The following ATRNL1 variants were observed in gnomAD, a reference collection of about 807,000 sequenced individuals.
ATRNL1 encodes attractin-like protein 1.
A neutral mutation model predicts 182.7 loss-of-function variants in ATRNL1; 95 were observed. The observed-to-expected ratio is 0.52, with a 90% CI of 0.44 to 0.62. ATRNL1 has a LOEUF of 0.62. Ranked by LOEUF, ATRNL1 falls within the 20% of genes least tolerant of loss-of-function variation. The probability of loss-of-function intolerance (pLI) is 0.00; values close to 1 mark genes in which losing one functional copy is unlikely to be tolerated. For synonymous variants in ATRNL1, 576 were observed against 568.3 expected (o/e 1.01, Z -0.19); for missense variants, 1,471 against 1,679.5 (o/e 0.88, Z 2.17).
chr10:115,650,490 A>G (rs570815758), intron 26 of ATRNL1, among the ~76,000 whole-genome samples: 4 of 152,244 alleles, frequency 2.6e-5, no homozygotes, highest in South Asian at 4.1e-4. Context: ...TCAAATCTGG[A>G]TGATAATTTG....
chr10:115,575,530 G>A (rs896327258), intron 26 of ATRNL1, among the ~76,000 whole-genome samples: 2 of 152,030 alleles, frequency 1.3e-5, no homozygotes, highest in African/African-American at 2.4e-5. Flanking sequence ...TGTTCATCAC[G>A]TAGTCATTTG....
intron 28 of ATRNL1, among the ~76,000 whole-genome samples, chr10:115,857,405 T>C (rs1407613179): frequency 6.6e-6 from 1 of 152,244 alleles, no homozygotes; most frequent in African/African-American, 2.4e-5. Context: ...TTAAGTAACT[T>C]GCCTACAGTC....
rs138410295 is a variant in ATRNL1, at chr10:115,115,312, C to T, written c.294-4873C>T. Among the ~76,000 whole-genome samples the T allele has an allele frequency of 3.5e-4, 53 of 152,004 alleles. No individual in the cohort carries two copies. The Middle Eastern group carries it at 0.01, about 29-fold the overall frequency. ...AGGAAGAATAAGTGTTCTATTATTTCGTTGGCGTTCTATTGTACAATGAAG... is the reference window on the plus strand; with the variant it reads ...AGGAAGAATAAGTGTTCTATTATTTTGTTGGCGTTCTATTGTACAATGAAG... On this transcript the variant is annotated intron_variant, in intron 1 of 28. Transcript: ENST00000355044.
At chr10:115,538,204 G>A (rs1187919317) in intron 25 of ATRNL1, among the ~76,000 whole-genome samples, 4 of 152,122 alleles carry the variant, frequency 2.6e-5, no homozygotes, top group African/African-American at 9.7e-5. Context: ...CATTTCTCTA[G>A]CATAAATACC....
intron 26 of ATRNL1, among the ~76,000 whole-genome samples, chr10:115,612,790 C>CT (rs1555019456): frequency 6.6e-6 from 1 of 152,174 alleles, no homozygotes. Flanking sequence ...AGGGCCCTCC[C>CT]TTCCTAACCT....
chr10:115,647,086 A>T, intron 26 of ATRNL1, among the ~76,000 whole-genome samples: 1 of 151,866 alleles, frequency 6.6e-6, no homozygotes, highest in East Asian at 1.9e-4. Context: ...TTTGCTCAGA[A>T]TGATGATTTC....
chr10:115,228,309 T>C (rs782502100), intron 9 of ATRNL1, among the ~76,000 whole-genome samples: 6 of 152,336 alleles, frequency 3.9e-5, no homozygotes, highest in East Asian at 3.9e-4. Flanking sequence ...CTTGAACTTA[T>C]AGGAGTTCCT....
chr10:115,565,930 ATTGT>A (rs368544706), intron 26 of ATRNL1, among the ~76,000 whole-genome samples: 210 of 152,196 alleles, frequency 1.4e-3, no homozygotes, highest in African/African-American at 4.6e-3. Context: ...TTTCTCTAAA[ATTGT>A]TTGAGTAAAA....
chr10:115,109,531 G>C (rs1262507047), intron 1 of ATRNL1, among the ~76,000 whole-genome samples: 3 of 152,106 alleles, frequency 2.0e-5, no homozygotes, highest in Non-Finnish European at 4.4e-5. Flanking sequence ...CCATTCATGA[G>C]GGCTATGCTC....
chr10:115,187,173 A>AT (rs1847974188), intron 8 of ATRNL1, among the ~76,000 whole-genome samples: 8 of 143,312 alleles, frequency 5.6e-5, no homozygotes, highest in African/African-American at 2.4e-4. Flanking sequence ...TTCTGGGAAT[A>AT]ATTTTTTTTT....
intron 24 of ATRNL1, among the ~76,000 whole-genome samples, chr10:115,487,100 A>G (rs1178291441): frequency 3.3e-5 from 5 of 151,892 alleles, no homozygotes; most frequent in Non-Finnish European, 7.4e-5. Flanking sequence ...TGGTCTATAT[A>G]TCTGTTTTGG....
In ATRNL1 at chr10:115,533,691, A is replaced by T. The variant is rs1374530745; in HGVS notation, c.3716+14367A>T. On this transcript the variant is annotated intron_variant, in intron 25 of 28. Transcript: ENST00000355044. ...TGCTTTTCTAGTTCTTTTAATTGTG[A>T]TGTTAGGGTGTCAATTTTGGATCTT... Among the ~76,000 whole-genome samples the T allele has an allele frequency of 8.2e-4, 122 of 149,304 alleles. 1 individual carries two copies. Among genetic ancestry groups the T allele is most frequent in the Non-Finnish European group, 1.6e-3 (107 of 66,822 alleles).
intron 27 of ATRNL1, among the ~76,000 whole-genome samples, chr10:115,817,592 C>G (rs782194286): frequency 1.3e-5 from 2 of 152,028 alleles, no homozygotes; most frequent in Non-Finnish European, 2.9e-5. Flanking sequence ...CTGAGAAACA[C>G]TTAAGGGTGA....
intron 27 of ATRNL1, among the ~76,000 whole-genome samples, chr10:115,798,823 CTTTT>C (rs1252402876): frequency 8.2e-6 from 1 of 122,000 alleles, no homozygotes; most frequent in East Asian, 2.7e-4. Flanking sequence ...TCTTTTTTTT[CTTTT>C]TTCTTTTTTT....
intron 21 of ATRNL1, among the ~76,000 whole-genome samples, chr10:115,427,002 C>T (rs935467539): frequency 1.3e-5 from 2 of 152,110 alleles, no homozygotes; most frequent in South Asian, 2.1e-4. Context: ...TGATTACAGG[C>T]GTGAGCCACT....
In ATRNL1 at chr10:115,895,623, T is replaced by C. The variant is rs547383960; in HGVS notation, c.4018+47632T>C. 9.3e-4 allele frequency among the ~76,000 whole-genome samples: 141 copies of C among 152,340 alleles called. 1 individual carries two copies. The highest frequency in any genetic ancestry group is 3.3e-3 in the African/African-American group (136 of 41,592). ...AAACACTTACTGAACATCCACTGAA[T>C]ACCGGACACTGCTGAATTCCAGGGA... On this transcript the variant is annotated intron_variant, in intron 28 of 28. Transcript: ENST00000355044.
At chr10:115,509,323 C>T (rs954395059) in intron 24 of ATRNL1, among the ~76,000 whole-genome samples, 8 of 152,070 alleles carry the variant, frequency 5.3e-5, no homozygotes, top group East Asian at 1.9e-4. Context: ...ATAACTGATA[C>T]GGTTTGGGTG....
intron 27 of ATRNL1, among the ~76,000 whole-genome samples, chr10:115,841,860 G>A (rs1013649854): frequency 6.6e-6 from 1 of 152,142 alleles, no homozygotes; most frequent in African/African-American, 2.4e-5. Flanking sequence ...TATGGAATCA[G>A]GACACTTGAT....
intron 5 of ATRNL1, among the ~76,000 whole-genome samples, chr10:115,139,481 A>G (rs1845667156): frequency 6.6e-6 from 1 of 152,220 alleles, no homozygotes; most frequent in South Asian, 2.1e-4. Flanking sequence ...CATGTCTCAC[A>G]TGGCGGCAGA....
Sources: gnomAD v4.1 joint callset for allele counts (sites outside exome capture counted in the v4.1 genomes callset) on GRCh38, gnomAD v4.1.1 for gene constraint, MANE v1.5 for transcripts, NCBI Gene and HGNC (gene_info 2026-07-23, HGNC 2026-07-21) for gene names.